Variants in PIEZO2 observed in about 807,000 individuals in gnomAD.
PIEZO2 encodes the protein piezo type mechanosensitive ion channel component 2.
Under a neutral mutation model 337.3 loss-of-function variants are expected in PIEZO2, and 172 were observed. The observed-to-expected ratio is 0.51, with a 90% CI of 0.45 to 0.58. The LOEUF is 0.58. Among genes scored for constraint, PIEZO2 ranks in the 20% least tolerant of loss-of-function variants. The pLI is 0.00. For missense variants in PIEZO2, 3,028 were observed against 3,391.3 expected, an observed-to-expected ratio of 0.89 and a Z score of 2.66; for synonymous variants, 1,251 against 1,228.5, an observed-to-expected ratio of 1.02 and a Z score of -0.38.
Position 10,807,160 on chromosome 18 carries a change from C to T in PIEZO2, c.1032G>A (p.Met344Ile), listed in dbSNP as rs1239646588. The change falls in exon 8 of 56, where the codon ATG (methionine) becomes ATA (isoleucine). Residue 344 changes from methionine to isoleucine, a missense_variant. Transcript: ENST00000674853. ...GGATCAGAGTGGCCAGAGTGTAGTA[C>T]ATCACCAGCAGGAGGATAGGGTTGG... ...HHANPILLLVMYYTLATLIRI... is the reference protein window; with the variant it reads ...HHANPILLLVIYYTLATLIRI... 1.3e-6 allele frequency: 2 copies of T among 1,537,240 alleles called. No homozygotes were observed. Among genetic ancestry groups the T allele is most frequent in the South Asian group, 1.2e-5 (1 of 84,056 alleles).
intron 1 of PIEZO2, among the ~76,000 whole-genome samples, chr18:11,122,080 G>C (rs538269082): frequency 6.6e-6 from 1 of 151,570 alleles, no homozygotes; most frequent in Middle Eastern, 3.2e-3. Flanking sequence ...CAGCCTCCCC[G>C]GCAGCTGGGA....
At chr18:10,959,495 ATGTCT>A (rs1360119238) in intron 3 of PIEZO2, among the ~76,000 whole-genome samples, 4 of 152,186 alleles carry the variant, frequency 2.6e-5, no homozygotes, top group Non-Finnish European at 4.4e-5. Flanking sequence ...TTGACATGAG[ATGTCT>A]TATAACACAT....
intron 2 of PIEZO2, among the ~76,000 whole-genome samples, chr18:11,022,304 A>T (rs1246426581): frequency 5.3e-5 from 8 of 152,322 alleles, no homozygotes; most frequent in Non-Finnish European, 1.2e-4. Context: ...GAGAAAAAAA[A>T]AGTGAACTCA....
intron 20 of PIEZO2, among the ~76,000 whole-genome samples, chr18:10,771,135 C>G (rs11876881): frequency 6.6e-6 from 1 of 152,208 alleles, no homozygotes; most frequent in South Asian, 2.1e-4. Context: ...CTTGCCACAA[C>G]GGCACTTTTA....
rs762795244 is a variant in PIEZO2 at position 10,759,732 on chromosome 18, T to C, written c.3628A>G (p.Ile1210Val). The change falls in exon 25 of 56, where the codon ATT becomes GTT. Residue 1210 changes from isoleucine (I) to valine (V), a missense_variant. This residue lies in a region of PIEZO2 where 1,925 missense variants were observed against 2,051.9 expected (regional missense o/e 0.94). Coordinates refer to ENST00000674853, the MANE Select transcript of PIEZO2 (RefSeq NM_001378183.1). This position sits in a 1 kb window ranked among gnomAD's most constrained non-coding sequence, Gnocchi z 5.5. ...CGGCAAGGAGCAGGTGGGATGCCAA[T>C]GCAGATGAAATACTGGAAGGTGATG... ...CIITFQYFIC[I>V]GIPPAPCRDY... 6.5e-7 allele frequency: 1 copy of C among 1,537,264 alleles called. No homozygotes were observed. The highest frequency in any genetic ancestry group is 1.2e-5 in the South Asian group (1 of 84,058).
intron 8 of PIEZO2, among the ~76,000 whole-genome samples, chr18:10,805,236 C>T (rs1364521118): frequency 6.6e-6 from 1 of 152,142 alleles, no homozygotes; most frequent in African/African-American, 2.4e-5. Context: ...AAATAGTTCC[C>T]ATCGTGGTGG....
chr18:10,790,773 T>TCG (rs1177941717), intron 14 of PIEZO2, among the ~76,000 whole-genome samples: 8 of 150,994 alleles, frequency 5.3e-5, no homozygotes, highest in African/African-American at 1.9e-4. Flanking sequence ...CGGTGAGGTC[T>TCG]CGGTTCACTG....
Position 10,681,650 on chromosome 18 carries a change from G to C in PIEZO2, c.7779+11C>G. 6.4e-7 allele frequency: 1 copy of C among 1,559,158 alleles called. No individual in the cohort carries two copies. The highest frequency in any genetic ancestry group is 8.8e-7 in the Non-Finnish European group (1 of 1,130,466). ...GGTCTTCACAGAAATCTACTATAGG[G>C]ATTTACTTACGGTGTCCCTAGAAAA... is the stretch of plus-strand genomic sequence containing the variant. On this transcript the variant is annotated intron_variant, in intron 51 of 55. Transcript: ENST00000674853.
chr18:10,913,477 A>C (rs2030660273), intron 3 of PIEZO2, among the ~76,000 whole-genome samples: 1 of 152,162 alleles, frequency 6.6e-6, no homozygotes, highest in Non-Finnish European at 1.5e-5. Context: ...AGCACCTTTT[A>C]CATTTTTCTA....
chr18:10,759,373 A>G lies in PIEZO2; in HGVS notation c.3757+109T>C, dbSNP rs1447073009. 1 of 900,462 alleles carries G rather than the reference A, an allele frequency of 1.1e-6. No homozygotes were observed. Among genetic ancestry groups the G allele is most frequent in the African/African-American group, 1.7e-5 (1 of 60,150 alleles). The allele number at this position is 900,462 out of a possible 1,614,324, so 55.8% of individuals were successfully genotyped here. ...AATGCATAAGACAAGCCTTTACATG[A>G]TTACGAAGTCTAGTGGAAGACAAAA... On this transcript the variant is annotated intron_variant, in intron 26 of 55. Coordinates refer to ENST00000674853, the MANE Select transcript of PIEZO2 (RefSeq NM_001378183.1). The surrounding 1 kb of genome is among the most constrained non-coding windows in gnomAD (Gnocchi z 5.5).
rs138095539 is a variant in PIEZO2 at position 10,783,251 on chromosome 18, A to C, written c.2492+1533T>G. 3.0e-4 allele frequency among the ~76,000 whole-genome samples: 45 copies of C among 152,342 alleles called. 1 individual carries two copies. The East Asian group carries it at 8.7e-3, about 29-fold the overall frequency. ...CTAAAATACTTTGTAATTATTGAAT[A>C]GGGCCCTTGAAAAGAATGGTGAGGG... On this transcript the variant is annotated intron_variant, in intron 17 of 55. Coordinates refer to ENST00000674853, the MANE Select transcript of PIEZO2 (RefSeq NM_001378183.1). This position sits in a 1 kb window ranked among gnomAD's most constrained non-coding sequence, Gnocchi z 4.3.
At position 10,726,782 on chromosome 18, in the gene PIEZO2, A is replaced by T. The variant is rs907162105; in HGVS notation, c.5029+4625T>A. 3.9e-6 allele frequency: 6 copies of T among 1,544,872 alleles called. No individual in the cohort carries two copies. Among genetic ancestry groups the T allele is most frequent in the Non-Finnish European group, 5.3e-6 (6 of 1,122,842 alleles). ...CTGACCTCACTGGGCAAGGTGTCCT[A>T]TGAGGATGTGGACCACCTGCGGCCC... On this transcript the variant is annotated intron_variant, in intron 36 of 55. Transcript: ENST00000674853. The surrounding 1 kb of genome is among the most constrained non-coding windows in gnomAD (Gnocchi z 5.9).
intron 3 of PIEZO2, among the ~76,000 whole-genome samples, chr18:10,926,216 G>A (rs75128576): frequency 6.6e-6 from 1 of 152,134 alleles, no homozygotes; most frequent in African/African-American, 2.4e-5. Flanking sequence ...CACTGCCGGG[G>A]GAGACCGGGT....
At chr18:10,752,000 G>T (rs573498042) in intron 28 of PIEZO2, among the ~76,000 whole-genome samples, 2 of 152,264 alleles carry the variant, frequency 1.3e-5, no homozygotes, top group East Asian at 3.9e-4. Context: ...GGTGCGGGTT[G>T]TGGGGGGGGA....
chr18:11,120,161 A>G (rs537607575), intron 1 of PIEZO2, among the ~76,000 whole-genome samples: 1 of 152,348 alleles, frequency 6.6e-6, no homozygotes, highest in South Asian at 2.1e-4. Flanking sequence ...AGATAACATC[A>G]GTCCAGAATT....
intron 21 of PIEZO2, among the ~76,000 whole-genome samples, chr18:10,769,235 C>T (rs546046624): frequency 6.6e-6 from 1 of 152,344 alleles, no homozygotes; most frequent in East Asian, 1.9e-4. Context: ...CGCCCAGTGA[C>T]TTAACATTGG....
At position 11,135,846 on chromosome 18, in the gene PIEZO2, C is replaced by G. The variant is rs569667975; in HGVS notation, c.64+12679G>C. On this transcript the variant is annotated intron_variant, in intron 1 of 55. Transcript: ENST00000674853. The stretch of plus-strand genomic sequence containing the variant: ...GAGTTTGTTTGACTGGGATACTTCT[C>G]CTTCCTTGGGAGATTAGCACTGCAT... Among the ~76,000 whole-genome samples, 3 of 152,340 alleles carry G rather than the reference C, an allele frequency of 2.0e-5. No homozygotes were observed. The South Asian group carries it at 6.2e-4, about 32-fold the overall frequency.
chr18:10,725,166 T>G, intron 36 of PIEZO2: 2 of 1,491,782 alleles, frequency 1.3e-6, no homozygotes, highest in Non-Finnish European at 1.9e-6. Context: ...GCGAGGCCTC[T>G]GGACAGTTCA....
rs911554834 is a variant in PIEZO2 at position 11,009,990 on chromosome 18, C to T, written c.161-30330G>A. ...GATAATAAACGTCTGCTGTTGAAGC[C>T]ACTCAGTTGATGGCATTTTGTTATA... On this transcript the variant is annotated intron_variant, in intron 2 of 55. Transcript: ENST00000674853. The surrounding 1 kb of genome is among the most constrained non-coding windows in gnomAD (Gnocchi z 4.6). Among the ~76,000 whole-genome samples, 1 of 152,222 alleles carries T rather than the reference C, an allele frequency of 6.6e-6. No homozygotes were observed. The highest frequency in any genetic ancestry group is 1.5e-5 in the Non-Finnish European group (1 of 68,006).
Sources: allele counts gnomAD v4.1 joint callset (sites outside exome capture counted in the v4.1 genomes callset), GRCh38; gene constraint gnomAD v4.1.1; regional missense constraint gnomAD v4.1.1; non-coding constraint Gnocchi (gnomAD v3.1); transcripts MANE v1.5; gene names NCBI Gene and HGNC (gene_info 2026-07-23, HGNC 2026-07-21).